MAP2: variants seen among roughly 807,000 people sequenced by gnomAD.
MAP2 encodes the protein microtubule associated protein 2, also known as microtubule-associated protein 2.
Under a neutral mutation model 137.6 loss-of-function variants are expected in MAP2, and 14 were observed. The observed-to-expected ratio is 0.10, with a 90% CI of 0.07 to 0.16. The LOEUF (loss-of-function observed/expected upper bound fraction) is 0.16, where lower values mean the gene tolerates loss of function less well. Ranked by LOEUF, MAP2 falls within the 10% of genes least tolerant of loss-of-function variation. The probability of loss-of-function intolerance (pLI) is 1.00; values close to 1 mark genes in which losing one functional copy is unlikely to be tolerated. For synonymous variants in MAP2, 786 were observed against 782.3 expected (o/e 1.00, Z -0.08); for missense variants, 2,088 against 2,191.5 (o/e 0.95, Z 0.94).
intron 1 of MAP2, among the ~76,000 whole-genome samples, chr2:209,438,681 C>G (rs1466276384): frequency 1.3e-5 from 2 of 151,426 alleles, no homozygotes; most frequent in Non-Finnish European, 3.0e-5. Context: ...AATGCTTCTC[C>G]TTAGAAAAGT....
chr2:209,699,198 A>G (rs1300198038), intron 10 of MAP2, among the ~76,000 whole-genome samples: 1 of 152,184 alleles, frequency 6.6e-6, no homozygotes, highest in Non-Finnish European at 1.5e-5. Flanking sequence ...CTTCCTTAAA[A>G]ACAATGAGTC....
At chr2:209,524,897 T>C (rs2063797562) in intron 2 of MAP2, among the ~76,000 whole-genome samples, 1 of 152,146 alleles carries the variant, frequency 6.6e-6, no homozygotes, top group African/African-American at 2.4e-5. Context: ...TGGATCTCTC[T>C]TACCCCATGA....
chr2:209,496,080 T>C (rs1307376519), intron 1 of MAP2, among the ~76,000 whole-genome samples: 1 of 152,210 alleles, frequency 6.6e-6, no homozygotes, highest in African/African-American at 2.4e-5. Flanking sequence ...GAGCCTTATC[T>C]CATGCCTCGC....
chr2:209,583,967 C>G (rs1484496816), intron 3 of MAP2, among the ~76,000 whole-genome samples: 1 of 151,838 alleles, frequency 6.6e-6, no homozygotes, highest in East Asian at 1.9e-4. Flanking sequence ...TTGTTGCCAT[C>G]TTTATGTCCA....
intron 3 of MAP2, among the ~76,000 whole-genome samples, chr2:209,581,143 A>C (rs2076323211): frequency 1.3e-5 from 2 of 152,204 alleles, no homozygotes; most frequent in African/African-American, 4.8e-5. Context: ...TAGCAGGTGA[A>C]GGAGAGTAAT....
chr2:209,535,586 C>G (rs59883519), intron 2 of MAP2, among the ~76,000 whole-genome samples: 2 of 150,286 alleles, frequency 1.3e-5, no homozygotes, highest in African/African-American at 4.9e-5. Flanking sequence ...CAGAAGAAAG[C>G]TGATCAATGG....
chr2:209,569,885 A>G (rs1048330888), intron 2 of MAP2, among the ~76,000 whole-genome samples: 1 of 151,792 alleles, frequency 6.6e-6, no homozygotes, highest in East Asian at 1.9e-4. Context: ...TTTCAACAAG[A>G]TGTTTCAAAA....
chr2:209,478,080 TA>T (rs1390386325), intron 1 of MAP2, among the ~76,000 whole-genome samples: 3 of 152,324 alleles, frequency 2.0e-5, no homozygotes, highest in Admixed American at 6.5e-5. Context: ...CTACTTGGGC[TA>T]AAGTTTTGTA....
At chr2:209,523,002 G>A (rs2063499397) in intron 2 of MAP2, among the ~76,000 whole-genome samples, 1 of 152,120 alleles carries the variant, frequency 6.6e-6, no homozygotes, top group South Asian at 2.1e-4. Flanking sequence ...TAAAAACCTG[G>A]TAAGGGACAA....
intron 2 of MAP2, among the ~76,000 whole-genome samples, chr2:209,550,861 T>A (rs1368721791): frequency 6.6e-6 from 1 of 152,180 alleles, no homozygotes; most frequent in Non-Finnish European, 1.5e-5. Context: ...TTTGGTCAGA[T>A]CTCAGTTTCT....
In MAP2 at chr2:209,695,878, A is replaced by G; in HGVS notation, c.3708A>G (p.Glu1236=). The G allele has an allele frequency of 6.2e-7, 1 of 1,614,128 alleles. No individual in the cohort carries two copies. The highest frequency in any genetic ancestry group is 8.5e-7 in the Non-Finnish European group (1 of 1,180,010). The change falls in exon 8 of 16, where the codon GAA becomes GAG. Residue 1236 remains glutamate (E), a synonymous_variant. Transcript: ENST00000682079. The stretch of plus-strand genomic sequence containing the variant: ...AACCAGCAGAGATTCAGAGTGAGGA[A>G]GAAGAGATAGAAGCCCAGGGAGAAT... ...VSEPAEIQSE[E]EEIEAQGEYD...
chr2:209,682,232 G>A (rs1013116811), intron 7 of MAP2, among the ~76,000 whole-genome samples: 4 of 151,898 alleles, frequency 2.6e-5, no homozygotes, highest in African/African-American at 9.7e-5. Flanking sequence ...CACTATAGCC[G>A]GTAATCCCAG....
At chr2:209,690,714 G>A in intron 7 of MAP2, 3 of 1,289,812 alleles carry the variant, frequency 2.3e-6, no homozygotes, top group Non-Finnish European at 3.0e-6. Flanking sequence ...CTCAGTAAGG[G>A]CCAAATGGAG....
intron 1 of MAP2, among the ~76,000 whole-genome samples, chr2:209,472,608 CCT>C (rs1706059649): frequency 6.6e-6 from 1 of 152,082 alleles, no homozygotes; most frequent in Admixed American, 6.6e-5. Context: ...TGTTGAAATA[CCT>C]CTTTGTGAAT....
At chr2:209,624,558 A>G (rs2091935341) in intron 3 of MAP2, among the ~76,000 whole-genome samples, 1 of 152,162 alleles carries the variant, frequency 6.6e-6, no homozygotes, top group Non-Finnish European at 1.5e-5. Flanking sequence ...TGTCAAAATA[A>G]GTTTAGTACT....
At chr2:209,433,045 C>A (rs900711730) in intron 1 of MAP2, among the ~76,000 whole-genome samples, 2 of 152,082 alleles carry the variant, frequency 1.3e-5, no homozygotes, top group Non-Finnish European at 2.9e-5. Context: ...ATGGTTCATT[C>A]ACTTATTTAT....
intron 1 of MAP2, among the ~76,000 whole-genome samples, chr2:209,495,923 T>G (rs1443210751): frequency 6.6e-6 from 1 of 152,234 alleles, no homozygotes. Flanking sequence ...CATCACCTAG[T>G]CATTTTATGT....
At chr2:209,657,983 C>G (rs1424135087) in intron 5 of MAP2, among the ~76,000 whole-genome samples, 1 of 152,022 alleles carries the variant, frequency 6.6e-6, no homozygotes, top group Non-Finnish European at 1.5e-5. Context: ...TAATTCTTTC[C>G]TCTCTTTTCT....
intron 3 of MAP2, among the ~76,000 whole-genome samples, chr2:209,588,045 G>T (rs2078219541): frequency 6.6e-6 from 1 of 152,144 alleles, no homozygotes; most frequent in Non-Finnish European, 1.5e-5. Context: ...TGTATATGTT[G>T]TCTACATAGA....
Sources: gnomAD v4.1 joint callset for allele counts (sites outside exome capture counted in the v4.1 genomes callset) on GRCh38, gnomAD v4.1.1 for gene constraint, MANE v1.5 for transcripts, NCBI Gene and HGNC (gene_info 2026-07-23, HGNC 2026-07-21) for gene names.